SLC30A8: variants seen among roughly 807,000 people sequenced by gnomAD.
SLC30A8 encodes proton-coupled zinc antiporter SLC30A8.
SLC30A8 carries 27 observed loss-of-function variants against 36.9 expected under a neutral mutation model. That is an observed-to-expected ratio of 0.73 (90% CI 0.54 to 1.01). SLC30A8 has a LOEUF of 1.01. Among genes scored for constraint, SLC30A8 ranks in the 50% least tolerant of loss-of-function variants. The pLI is 0.00. For synonymous variants in SLC30A8, 164 were observed against 172.4 expected (o/e 0.95, Z 0.38); for missense variants, 439 against 452.0 (o/e 0.97, Z 0.26).
chr8:117,051,925 T>C (rs1289154162), intron 2 of SLC30A8, among the ~76,000 whole-genome samples: 3 of 152,224 alleles, frequency 2.0e-5, no homozygotes, highest in African/African-American at 7.2e-5. Flanking sequence ...TCGGCCATGA[T>C]TGTAAGCCTC....
chr8:116,985,032 T>C (rs774534315), intron 1 of SLC30A8, among the ~76,000 whole-genome samples: 1 of 152,100 alleles, frequency 6.6e-6, no homozygotes, highest in Non-Finnish European at 1.5e-5. Flanking sequence ...GGTTTCTGTG[T>C]TTGTGTGTTG....
chr8:117,156,388 A>G (rs754383783), intron 3 of SLC30A8, among the ~76,000 whole-genome samples: 10 of 152,142 alleles, frequency 6.6e-5, no homozygotes, highest in Admixed American at 4.6e-4. Flanking sequence ...ACATAATTCA[A>G]CCCATAATCT....
chr8:117,139,859 T>TAA (rs61537395), intron 1 of SLC30A8, among the ~76,000 whole-genome samples: 1,726 of 109,692 alleles, frequency 0.016, 39 homozygotes, highest in African/African-American at 0.053. Flanking sequence ...CAACATCTGG[T>TAA]AAAAAAAAAA....
chr8:116,965,119 G>A (rs1240428083), intron 1 of SLC30A8, among the ~76,000 whole-genome samples: 2 of 152,134 alleles, frequency 1.3e-5, no homozygotes, highest in Non-Finnish European at 2.9e-5. Context: ...TGTATTTTTA[G>A]TAGAGATGGG....
chr8:116,952,359 A>C (rs932950505), intron 1 of SLC30A8, among the ~76,000 whole-genome samples: 1 of 152,204 alleles, frequency 6.6e-6, no homozygotes, highest in Non-Finnish European at 1.5e-5. Context: ...CATAATATAC[A>C]AATAATTAAA....
At chr8:116,986,441 A>G (rs1047490709) in intron 1 of SLC30A8, among the ~76,000 whole-genome samples, 2 of 152,186 alleles carry the variant, frequency 1.3e-5, no homozygotes, top group Non-Finnish European at 2.9e-5. Flanking sequence ...TGAGCAGGCA[A>G]TAGGGTAGAA....
chr8:117,145,816 A>G (rs1442396514), intron 1 of SLC30A8, among the ~76,000 whole-genome samples: 2 of 152,158 alleles, frequency 1.3e-5, no homozygotes, highest in Non-Finnish European at 2.9e-5. Flanking sequence ...AACCTTAGTT[A>G]CTTCAGCCAA....
At chr8:117,006,817 G>T (rs1816188684) in intron 1 of SLC30A8, among the ~76,000 whole-genome samples, 1 of 118,674 alleles carries the variant, frequency 8.4e-6, no homozygotes, top group Non-Finnish European at 1.6e-5. Context: ...GAATCTGGCT[G>T]TGTCTCCCAG....
At chr8:117,129,039 G>T (rs1011897891) in intron 2 of SLC30A8, among the ~76,000 whole-genome samples, 1 of 152,032 alleles carries the variant, frequency 6.6e-6, no homozygotes, top group Non-Finnish European at 1.5e-5. Context: ...CAGGTGTCAG[G>T]TGTGCTAGTC....
intron 2 of SLC30A8, among the ~76,000 whole-genome samples, chr8:117,046,814 A>T (rs115713002): frequency 6.6e-6 from 1 of 152,216 alleles, no homozygotes; most frequent in Non-Finnish European, 1.5e-5. Flanking sequence ...CTCATAAATT[A>T]TGCCTTCCCA....
At chr8:117,072,588 C>T (rs986233322) in intron 2 of SLC30A8, among the ~76,000 whole-genome samples, 16 of 152,074 alleles carry the variant, frequency 1.1e-4, no homozygotes, top group Admixed American at 6.6e-5. Context: ...AGTCCTTTTT[C>T]TGACTTTCCT....
At chr8:117,102,336 T>A (rs946260955) in intron 2 of SLC30A8, among the ~76,000 whole-genome samples, 1 of 152,200 alleles carries the variant, frequency 6.6e-6, no homozygotes, top group African/African-American at 2.4e-5. Flanking sequence ...ATGAGTTGCC[T>A]AAATAATTTA....
intron 1 of SLC30A8, among the ~76,000 whole-genome samples, chr8:116,994,036 CAAA>C (rs1405302566): frequency 6.7e-6 from 1 of 148,854 alleles, no homozygotes; most frequent in Non-Finnish European, 1.5e-5. Flanking sequence ...TACAAACAAA[CAAA>C]AAACTAAATA....
At chr8:117,024,632 T>C (rs1220249832) in intron 1 of SLC30A8, among the ~76,000 whole-genome samples, 1 of 152,180 alleles carries the variant, frequency 6.6e-6, no homozygotes, top group East Asian at 1.9e-4. Flanking sequence ...CACAAAAGCA[T>C]ATACCAATAG....
At chr8:116,993,104 C>T (rs529978767) in intron 1 of SLC30A8, among the ~76,000 whole-genome samples, 1 of 152,240 alleles carries the variant, frequency 6.6e-6, no homozygotes, top group Admixed American at 6.5e-5. Context: ...CCTTGAGTTC[C>T]TGGCCTAATC....
intron 2 of SLC30A8, among the ~76,000 whole-genome samples, chr8:117,150,247 T>C (rs1487503830): frequency 1.3e-5 from 2 of 152,056 alleles, no homozygotes; most frequent in South Asian, 2.1e-4. Context: ...TGTTAATTAA[T>C]AGCACACAAC....
chr8:116,976,651 C>T (rs188904412), intron 1 of SLC30A8, among the ~76,000 whole-genome samples: 2 of 152,128 alleles, frequency 1.3e-5, no homozygotes, highest in Admixed American at 6.5e-5. Flanking sequence ...AAGCCAGGAG[C>T]GCAGAGGGCA....
chr8:117,101,117 A>T (rs1406566007), intron 2 of SLC30A8, among the ~76,000 whole-genome samples: 1 of 152,160 alleles, frequency 6.6e-6, no homozygotes, highest in Non-Finnish European at 1.5e-5. Context: ...GTTTTCAATT[A>T]AAAAAATATT....
intron 1 of SLC30A8, among the ~76,000 whole-genome samples, chr8:116,994,406 G>A (rs746189440): frequency 6.6e-6 from 1 of 152,036 alleles, no homozygotes; most frequent in East Asian, 1.9e-4. Flanking sequence ...TTCAGGCAGT[G>A]TCAAATGGAA....
Sources: gnomAD v4.1 joint callset for allele counts (sites outside exome capture counted in the v4.1 genomes callset) on GRCh38, gnomAD v4.1.1 for gene constraint, MANE v1.5 for transcripts, NCBI Gene and HGNC (gene_info 2026-07-23, HGNC 2026-07-21) for gene names.